Variants in GALNT13 observed in about 807,000 individuals in gnomAD.
GALNT13 encodes UDP-GalNAc:polypeptide N-acetylgalactosaminyltransferase 13.
GALNT13 carries 28 observed loss-of-function variants against 64.2 expected under a neutral mutation model. The observed-to-expected ratio is 0.44, with a 90% CI of 0.32 to 0.60. GALNT13 has a LOEUF of 0.60. Ranked by LOEUF, GALNT13 falls within the 20% of genes least tolerant of loss-of-function variation. The probability of loss-of-function intolerance (pLI) is 0.05; values close to 1 mark genes in which losing one functional copy is unlikely to be tolerated. For synonymous variants in GALNT13, 214 were observed against 224.6 expected, an observed-to-expected ratio of 0.95 and a Z score of 0.42; for missense variants, 577 against 669.8, an observed-to-expected ratio of 0.86 and a Z score of 1.53.
At position 154,045,734 on chromosome 2, in the gene GALNT13, G is replaced by T. The variant is rs144580642; in HGVS notation, c.143-94603G>T. The stretch of plus-strand genomic sequence containing the variant: ...TGTAGCAGTTCTGATATTCCTGTGA[G>T]TTTAAGAAAAAACAAACAAACCCTT... On this transcript the variant is annotated intron_variant, in intron 3 of 12. Coordinates refer to ENST00000392825, the MANE Select transcript of GALNT13 (RefSeq NM_052917.4). 6.9e-3 allele frequency among the ~76,000 whole-genome samples: 1,057 copies of T among 152,236 alleles called. 10 individuals are homozygous for T. Among genetic ancestry groups the T allele is most frequent in the African/African-American group, 0.023 (973 of 41,528 alleles).
At chr2:153,425,117 T>A in the GALNT13 span, among the ~76,000 whole-genome samples, 18,206 of 151,558 alleles carry the variant, frequency 0.12, 1,722 homozygotes, top group African/African-American at 0.26. Flanking sequence ...AAAAACAACA[T>A]AGGTGAATGG....
At chr2:154,191,374 A>G (rs962804978) in intron 4 of GALNT13, among the ~76,000 whole-genome samples, 1 of 152,174 alleles carries the variant, frequency 6.6e-6, no homozygotes, top group Non-Finnish European at 1.5e-5. Context: ...GACAACTACA[A>G]TTTCAGATGA....
At chr2:154,398,046 C>T (rs754405116) in intron 10 of GALNT13, among the ~76,000 whole-genome samples, 7 of 152,160 alleles carry the variant, frequency 4.6e-5, no homozygotes, top group African/African-American at 7.2e-5. Flanking sequence ...ATAGAATAGT[C>T]TTTGCATGTT....
intron 1 of GALNT13, among the ~76,000 whole-genome samples, chr2:153,875,570 T>G (rs1432961895): frequency 1.3e-5 from 2 of 152,138 alleles, no homozygotes; most frequent in Non-Finnish European, 2.9e-5. Context: ...ACAGGAGCAT[T>G]TTCATGTAAT....
the GALNT13 span, among the ~76,000 whole-genome samples, chr2:153,185,887 C>T: frequency 7.2e-5 from 11 of 152,098 alleles, no homozygotes; most frequent in African/African-American, 2.4e-4. Context: ...ATTATGTGAT[C>T]GATTTTAGAG....
chr2:153,146,665 T>C, the GALNT13 span, among the ~76,000 whole-genome samples: 1 of 151,876 alleles, frequency 6.6e-6, no homozygotes, highest in Non-Finnish European at 1.5e-5. Context: ...TCAGAGAGGC[T>C]TGTATCAGGG....
At chr2:154,412,157 G>T (rs920155125) in intron 11 of GALNT13, among the ~76,000 whole-genome samples, 3 of 151,690 alleles carry the variant, frequency 2.0e-5, no homozygotes, top group African/African-American at 7.2e-5. Context: ...ATTTCAAAAC[G>T]ATGAACAACC....
chr2:154,420,482 C>T (rs1007841719), intron 11 of GALNT13, among the ~76,000 whole-genome samples: 8 of 152,080 alleles, frequency 5.3e-5, no homozygotes, highest in Non-Finnish European at 7.4e-5. Flanking sequence ...ATGCCTAATT[C>T]GTTTTGACTT....
chr2:153,781,556 C>T, the GALNT13 span, among the ~76,000 whole-genome samples: 1 of 152,112 alleles, frequency 6.6e-6, no homozygotes, highest in Non-Finnish European at 1.5e-5. Context: ...TGAATTCCCT[C>T]TCCATGGCAA....
At chr2:154,288,861 G>A (rs1330189245) in intron 8 of GALNT13, among the ~76,000 whole-genome samples, 1 of 152,206 alleles carries the variant, frequency 6.6e-6, no homozygotes, top group East Asian at 1.9e-4. Context: ...CCAGGACATG[G>A]TGCAAGCTGT....
At chr2:153,071,625 T>C in the GALNT13 span, among the ~76,000 whole-genome samples, 12 of 152,212 alleles carry the variant, frequency 7.9e-5, no homozygotes, top group Non-Finnish European at 1.6e-4. Context: ...CTAAGAAGTT[T>C]TACTGACCGA....
At chr2:153,827,926 A>C in the GALNT13 span, among the ~76,000 whole-genome samples, 4 of 152,228 alleles carry the variant, frequency 2.6e-5, no homozygotes, top group Non-Finnish European at 4.4e-5. Context: ...CAAATGGAAG[A>C]AATTGGCCAA....
chr2:154,381,538 G>A (rs1459608563), intron 9 of GALNT13, among the ~76,000 whole-genome samples: 1 of 152,050 alleles, frequency 6.6e-6, no homozygotes, highest in African/African-American at 2.4e-5. Flanking sequence ...TAGAGGTTTT[G>A]TGGAACATTG....
At chr2:153,868,911 C>G (rs886289610), upstream of GALNT13, among the ~76,000 whole-genome samples, 14 of 152,196 alleles carry the variant, frequency 9.2e-5, no homozygotes, top group African/African-American at 3.4e-4. Context: ...ACTTTCAACA[C>G]TCATTCAGAT....
chr2:153,605,547 A>G, the GALNT13 span, among the ~76,000 whole-genome samples: 1 of 152,088 alleles, frequency 6.6e-6, no homozygotes, highest in African/African-American at 2.4e-5. Context: ...TTTTTCGTCC[A>G]GATTTAAACA....
intron 2 of GALNT13, among the ~76,000 whole-genome samples, chr2:153,906,439 C>T (rs1688570828): frequency 6.9e-6 from 1 of 145,054 alleles, no homozygotes; most frequent in African/African-American, 2.5e-5. Flanking sequence ...TGTTCCCCTT[C>T]CTGTGTCCAT....
At chr2:153,599,190 A>T in the GALNT13 span, among the ~76,000 whole-genome samples, 58 of 152,162 alleles carry the variant, frequency 3.8e-4, no homozygotes, top group African/African-American at 1.4e-3. Context: ...TTCCAGGCTA[A>T]TTGGGATATC....
the GALNT13 span, among the ~76,000 whole-genome samples, chr2:153,809,971 GT>G: frequency 6.6e-6 from 1 of 151,710 alleles, no homozygotes; most frequent in Non-Finnish European, 1.5e-5. Flanking sequence ...GTTTTGTTTT[GT>G]TTTGTTTTGA....
chr2:153,837,746 C>T, the GALNT13 span, among the ~76,000 whole-genome samples: 1 of 152,010 alleles, frequency 6.6e-6, no homozygotes, highest in Non-Finnish European at 1.5e-5. Flanking sequence ...GCAGAAATCT[C>T]TTCCAGATAC....
Sources: allele counts gnomAD v4.1 joint callset (sites outside exome capture counted in the v4.1 genomes callset), GRCh38; gene constraint gnomAD v4.1.1; transcripts MANE v1.5; gene names NCBI Gene and HGNC (gene_info 2026-07-23, HGNC 2026-07-21).